DYNC1LI2: variants seen among roughly 807,000 people sequenced by gnomAD.
DYNC1LI2 encodes the protein cytoplasmic dynein 1 light intermediate chain 2.
In DYNC1LI2, 19 loss-of-function variants were observed where a neutral mutation model predicts 57.8. The ratio of observed to expected loss-of-function variants is 0.33; its 90% CI spans 0.23 to 0.48. The LOEUF (loss-of-function observed/expected upper bound fraction) is 0.48, where lower values mean the gene tolerates loss of function less well. DYNC1LI2 is among the 20% of genes least tolerant of loss of function. DYNC1LI2 has a pLI of 0.99. For missense variants in DYNC1LI2, 470 were observed against 604.2 expected (o/e 0.78, Z 2.33); for synonymous variants, 256 against 233.4 (o/e 1.10, Z -0.88).
rs2017691083 is a variant in DYNC1LI2 at position 66,734,280 on chromosome 16, T to C, written c.731A>G (p.His244Arg). 1 of 1,614,114 alleles carries C rather than the reference T, an allele frequency of 6.2e-7. No homozygotes were observed. The highest frequency in any genetic ancestry group is 8.5e-7 in the Non-Finnish European group (1 of 1,180,008). ...GTCCAAATGCTCATCCCTGTAATCG[T>C]GCTCCTTCTCCAGGACACTCACCGC... ...CDAVSVLEKEHDYRDEHLDFI... is the reference protein window; with the variant it reads ...CDAVSVLEKERDYRDEHLDFI... The change falls in exon 6 of 13, where the codon CAC becomes CGC. Residue 244 changes from histidine (H) to arginine (R), a missense_variant. Physicochemically the swap from His to Arg is conservative, Grantham distance 29. Coordinates refer to ENST00000258198, the MANE Select transcript of DYNC1LI2 (RefSeq NM_006141.3).
intron 4 of DYNC1LI2, among the ~76,000 whole-genome samples, 155 bp from the exon 5 acceptor site, chr16:66,736,399 G>A (rs1045168328): frequency 6.6e-6 from 1 of 152,146 alleles, no homozygotes; most frequent in Non-Finnish European, 1.5e-5. Context: ...CAAGGATTTG[G>A]GGATGGTGAT....
At chr16:66,746,832 A>G (rs8055189) in intron 3 of DYNC1LI2, among the ~76,000 whole-genome samples, 76,828 of 152,078 alleles carry the variant, frequency 0.51, 20,294 homozygotes, top group African/African-American at 0.64. Context: ...AGAGTGGTTA[A>G]GTCAGTTACC....
chr16:66,734,872 C>T (rs1311704745), intron 5 of DYNC1LI2, among the ~76,000 whole-genome samples: 3 of 151,272 alleles, frequency 2.0e-5, no homozygotes, highest in Non-Finnish European at 4.4e-5. Flanking sequence ...TGGCGGACAC[C>T]TGTAGTCCCA....
Position 66,751,563 on chromosome 16 carries a change from A to G in DYNC1LI2, c.29T>C (p.Leu10Pro). 1 of 1,583,128 alleles carries G rather than the reference A, an allele frequency of 6.3e-7. No homozygotes were observed. Among genetic ancestry groups the G allele is most frequent in the Non-Finnish European group, 8.6e-7 (1 of 1,167,352 alleles). The change falls in exon 1 of 13, where the codon CTG becomes CCG. Residue 10 changes from leucine to proline, a missense_variant. Physicochemically the swap from Leu to Pro is moderately conservative, Grantham distance 98. Coordinates refer to ENST00000258198, the MANE Select transcript of DYNC1LI2 (RefSeq NM_006141.3). This position sits in a 1 kb window ranked among gnomAD's most constrained non-coding sequence, Gnocchi z 5.2. ...CGCGGGCCCGTTGGGACCTAGCAGCAGCTTCTTCTCCACCCCCACCGGCGC... is the reference window on the plus strand; with the variant it reads ...CGCGGGCCCGTTGGGACCTAGCAGCGGCTTCTTCTCCACCCCCACCGGCGC... MAPVGVEKK[L>P]LLGPNGPAVA...
intron 12 of DYNC1LI2, among the ~76,000 whole-genome samples, chr16:66,725,270 G>A (rs1304074531): frequency 6.6e-6 from 1 of 150,946 alleles, no homozygotes; most frequent in Non-Finnish European, 1.5e-5. Context: ...CCTGGGGTCA[G>A]GAATTCCAAG....
intron 9 of DYNC1LI2, 100 bp from the exon 10 acceptor site, chr16:66,728,342 T>C: frequency 1.5e-6 from 2 of 1,377,198 alleles, no homozygotes; most frequent in Non-Finnish European, 2.0e-6. Context: ...GAGGGCACTA[T>C]TAACAACAAC....
chr16:66,735,968 A>G (rs1335844998), intron 5 of DYNC1LI2, 107 bp downstream of exon 5: 2 of 1,403,952 alleles, frequency 1.4e-6, no homozygotes, highest in East Asian at 4.7e-5. Flanking sequence ...AATCTCAAAT[A>G]AGCCCAAGTC....
At chr16:66,728,303 G>C in intron 9 of DYNC1LI2, 61 bp from the exon 10 acceptor site, 1 of 1,596,688 alleles carries the variant, frequency 6.3e-7, no homozygotes, top group Admixed American at 1.7e-5. Context: ...TGAAGGTCTA[G>C]AGAAAAACTT....
At chr16:66,724,238 G>C (rs747855340) in intron 12 of DYNC1LI2, among the ~76,000 whole-genome samples, 2 of 152,132 alleles carry the variant, frequency 1.3e-5, no homozygotes, top group Non-Finnish European at 2.9e-5. Flanking sequence ...TAACATTCTA[G>C]ACTGACTCAA....
In DYNC1LI2 at chr16:66,728,189, T is replaced by A. The variant is rs1271374050; in HGVS notation, c.1143+12A>T. On this transcript the variant is annotated intron_variant, in intron 10 of 12. Transcript: ENST00000258198. ...CTGGGCCTTGACCCTCTGTTTAGTG[T>A]AAGGTACTCACAGAAGCTCTCGTGG... is the stretch of plus-strand genomic sequence containing the variant. 1 of 1,614,042 alleles carries A rather than the reference T, an allele frequency of 6.2e-7. No individual in the cohort carries two copies. Among genetic ancestry groups the A allele is most frequent in the South Asian group, 1.1e-5 (1 of 91,064 alleles).
Position 66,742,669 on chromosome 16 carries a change from C to A in DYNC1LI2, c.299-1G>T. 6.2e-7 allele frequency: 1 copy of A among 1,613,750 alleles called. No homozygotes were observed. The highest frequency in any genetic ancestry group is 8.5e-7 in the Non-Finnish European group (1 of 1,179,788). On this transcript the variant is annotated splice_acceptor_variant, in intron 3 of 12. Transcript: ENST00000258198. LOFTEE classifies it high-confidence loss of function. ...ATCCACACGTTGCAGCGCGTGTGAT[C>A]TGAGAAAACAAGTGAATGAAGCTAG...
chr16:66,728,157 C>A, intron 10 of DYNC1LI2, 44 bp downstream of exon 10: 1 of 1,612,490 alleles, frequency 6.2e-7, no homozygotes, highest in South Asian at 1.1e-5. Context: ...TGATGACACC[C>A]ACAACACTGG....
In DYNC1LI2 at chr16:66,728,401, G is replaced by C. The variant is rs76897072; in HGVS notation, c.1102-159C>G. The stretch of plus-strand genomic sequence containing the variant: ...GATGCCAAAAAATTTTAATTGAGCC[G>C]TTTGGTATATGGTGAAAAAAAATAC... On this transcript the variant is annotated intron_variant, in intron 9 of 12. Transcript: ENST00000258198. Among the ~76,000 whole-genome samples the C allele has an allele frequency of 7.2e-5, 11 of 152,204 alleles. No individual in the cohort carries two copies. In the East Asian group the frequency reaches 2.1e-3, roughly 29 times the overall value.
At position 66,749,266 on chromosome 16, in the gene DYNC1LI2, C is replaced by T; in HGVS notation, c.229G>A (p.Ala77Thr). The change falls in exon 3 of 13, where the codon GCT (alanine) becomes ACT (threonine). Residue 77 changes from alanine to threonine, a missense_variant. By Grantham distance (58) the Ala-to-Thr change is moderately conservative (BLOSUM62 0). Transcript: ENST00000258198. ...CCTCTTCCTTTTTTGCCATGCTCAG[C>T]TCCTTGTAGTTTAGTCATGAGGGTT... ...KTTLMTKLQGAEHGKKGRGLE... is the reference protein window; with the variant it reads ...KTTLMTKLQGTEHGKKGRGLE... 6.2e-7 allele frequency: 1 copy of T among 1,614,232 alleles called. No homozygotes were observed. The highest frequency in any genetic ancestry group is 8.5e-7 in the Non-Finnish European group (1 of 1,180,040).
chr16:66,725,201 G>A lies in DYNC1LI2; in HGVS notation c.1378+627C>T, dbSNP rs542885878. Among the ~76,000 whole-genome samples the A allele has an allele frequency of 2.0e-4, 28 of 141,416 alleles. 1 individual carries two copies. The East Asian group carries it at 4.3e-3, about 22-fold the overall frequency. 92.8% of individuals were successfully genotyped at this position (141,416 alleles called of 152,430 possible). On this transcript the variant is annotated intron_variant, in intron 12 of 12. Transcript: ENST00000258198. The stretch of plus-strand genomic sequence containing the variant: ...ATCAAAAAAAAAAAAAAAGTCAGCC[G>A]CAGACGGTGGCTCACACCTGTAATC...
At chr16:66,743,789 G>C (rs1027906764) in intron 3 of DYNC1LI2, among the ~76,000 whole-genome samples, 3 of 152,046 alleles carry the variant, frequency 2.0e-5, no homozygotes, top group Admixed American at 1.3e-4. Flanking sequence ...ATGCCAAAGA[G>C]ACAGAACCTT....
chr16:66,751,267 G>A lies in DYNC1LI2; in HGVS notation c.181+6C>T. On this transcript the variant is annotated splice_donor_region_variant and intron_variant, in intron 2 of 12. Coordinates refer to ENST00000258198, the MANE Select transcript of DYNC1LI2 (RefSeq NM_006141.3). The surrounding 1 kb of genome is among the most constrained non-coding windows in gnomAD (Gnocchi z 5.2). ...CCTGGGGCAACGCCCCGCCGCCGGCGCTCACCGAAGACCAGGATGTTCTTG... is the reference window on the plus strand; with the variant it reads ...CCTGGGGCAACGCCCCGCCGCCGGCACTCACCGAAGACCAGGATGTTCTTG... 6.2e-7 allele frequency: 1 copy of A among 1,610,318 alleles called. No homozygotes were observed. Among genetic ancestry groups the A allele is most frequent in the Non-Finnish European group, 8.5e-7 (1 of 1,178,530 alleles).
At chr16:66,750,702 G>A (rs1250453045) in intron 2 of DYNC1LI2, among the ~76,000 whole-genome samples, 1 of 152,124 alleles carries the variant, frequency 6.6e-6, no homozygotes, top group Non-Finnish European at 1.5e-5. Flanking sequence ...GCAACAAATG[G>A]ACTTGCTGTG....
intron 7 of DYNC1LI2, 102 bp downstream of exon 7, chr16:66,732,237 A>C (rs1432413061): frequency 7.1e-7 from 1 of 1,400,790 alleles, no homozygotes. Flanking sequence ...AGCTGGCTGT[A>C]GAAGACACAG....
Sources: allele counts gnomAD v4.1 joint callset (sites outside exome capture counted in the v4.1 genomes callset), GRCh38; gene constraint gnomAD v4.1.1; non-coding constraint Gnocchi (gnomAD v3.1); transcripts MANE v1.5; gene names NCBI Gene and HGNC (gene_info 2026-07-23, HGNC 2026-07-21).